Variants in CDKAL1 observed in about 807,000 individuals in gnomAD.
The protein encoded by CDKAL1 is threonylcarbamoyladenosine tRNA methylthiotransferase.
Under a neutral mutation model 68.2 loss-of-function variants are expected in CDKAL1, and 32 were observed. The ratio of observed to expected loss-of-function variants is 0.47; its 90% CI spans 0.35 to 0.63. The LOEUF is 0.63. Among genes scored for constraint, CDKAL1 ranks in the 30% least tolerant of loss-of-function variants. CDKAL1 has a pLI of 0.00. For synonymous variants in CDKAL1, 234 were observed against 244.3 expected (o/e 0.96, Z 0.39); for missense variants, 606 against 696.7 (o/e 0.87, Z 1.47).
intron 12 of CDKAL1, among the ~76,000 whole-genome samples, chr6:21,084,077 T>A (rs1011260323): frequency 6.6e-6 from 1 of 152,170 alleles, no homozygotes; most frequent in Admixed American, 6.5e-5. Flanking sequence ...AAGTATTGAA[T>A]AGGATTGTAG....
At chr6:20,610,710 T>C (rs2876574) in intron 4 of CDKAL1, among the ~76,000 whole-genome samples, 42,993 of 151,866 alleles carry the variant, frequency 0.28, 6,599 homozygotes, top group East Asian at 0.53. Flanking sequence ...ATTAATAAAA[T>C]ATAAAAGGCA....
chr6:20,550,860 CTTTTTTTTTTTTT>C (rs70990044), intron 4 of CDKAL1, among the ~76,000 whole-genome samples: 10 of 72,908 alleles, frequency 1.4e-4, no homozygotes, highest in Non-Finnish European at 9.4e-5. Context: ...GAGGTTGTGT[CTTTTTTTTTTTTT>C]TTTTTTTTTT....
At chr6:20,698,197 T>C (rs1047003879) in intron 5 of CDKAL1, among the ~76,000 whole-genome samples, 3 of 152,216 alleles carry the variant, frequency 2.0e-5, no homozygotes, top group Non-Finnish European at 4.4e-5. Flanking sequence ...TTTGGTTGAA[T>C]GAACATTCAA....
At chr6:20,750,077 C>G (rs1773849177) in intron 6 of CDKAL1, among the ~76,000 whole-genome samples, 1 of 151,998 alleles carries the variant, frequency 6.6e-6, no homozygotes. Context: ...CAGTTTCTTT[C>G]CCCTAATTAG....
At chr6:20,540,348 C>T (rs1763341903) in intron 2 of CDKAL1, among the ~76,000 whole-genome samples, 1 of 152,016 alleles carries the variant, frequency 6.6e-6, no homozygotes, top group African/African-American at 2.4e-5. Context: ...GCTGGGATTA[C>T]AAACATGAGC....
chr6:20,876,864 A>G (rs1760545813), intron 9 of CDKAL1, among the ~76,000 whole-genome samples: 1 of 152,234 alleles, frequency 6.6e-6, no homozygotes, highest in South Asian at 2.1e-4. Context: ...ACACGTACAC[A>G]CAGAGCTACC....
chr6:21,067,000 T>C (rs1771483961), intron 12 of CDKAL1, among the ~76,000 whole-genome samples: 1 of 152,244 alleles, frequency 6.6e-6, no homozygotes, highest in Admixed American at 6.5e-5. Flanking sequence ...CTGATCTGTT[T>C]TCTGTTCTCA....
chr6:20,785,462 C>T (rs1775631688), intron 8 of CDKAL1, among the ~76,000 whole-genome samples: 1 of 151,890 alleles, frequency 6.6e-6, no homozygotes, highest in African/African-American at 2.4e-5. Flanking sequence ...ACTTCAGGCA[C>T]ACGCCACCAC....
At chr6:21,050,317 C>G (rs547027269) in intron 11 of CDKAL1, among the ~76,000 whole-genome samples, 3 of 152,190 alleles carry the variant, frequency 2.0e-5, no homozygotes, top group African/African-American at 7.2e-5. Context: ...TGGCTGGCAA[C>G]GCCCTGCCTG....
At chr6:20,789,867 T>C (rs1415837887) in intron 8 of CDKAL1, among the ~76,000 whole-genome samples, 1 of 152,244 alleles carries the variant, frequency 6.6e-6, no homozygotes, top group African/African-American at 2.4e-5. Context: ...TTATATTTGT[T>C]ATCTTTAAGA....
chr6:20,651,518 C>A (rs1768770322), intron 5 of CDKAL1, among the ~76,000 whole-genome samples: 1 of 152,160 alleles, frequency 6.6e-6, no homozygotes, highest in African/African-American at 2.4e-5. Flanking sequence ...AGTTTGACTT[C>A]CTCTCTTTCT....
intron 15 of CDKAL1, among the ~76,000 whole-genome samples, chr6:21,217,272 T>C (rs1779371499): frequency 2.1e-5 from 3 of 143,944 alleles, no homozygotes; most frequent in Non-Finnish European, 3.0e-5. Context: ...TACTTTTTCA[T>C]TGATGTTTAG....
intron 4 of CDKAL1, among the ~76,000 whole-genome samples, chr6:20,588,668 A>G (rs1765473026): frequency 6.6e-6 from 1 of 152,142 alleles, no homozygotes; most frequent in South Asian, 2.1e-4. Flanking sequence ...CAGTCTTTCA[A>G]AAGTTAAGAG....
At chr6:20,691,985 T>G (rs913032940) in intron 5 of CDKAL1, among the ~76,000 whole-genome samples, 1 of 152,166 alleles carries the variant, frequency 6.6e-6, no homozygotes, top group African/African-American at 2.4e-5. Flanking sequence ...CACAAAAGTT[T>G]TTAATTTTTA....
intron 5 of CDKAL1, among the ~76,000 whole-genome samples, chr6:20,701,034 C>G (rs565576485): frequency 1.3e-5 from 2 of 151,622 alleles, no homozygotes; most frequent in African/African-American, 4.8e-5. Context: ...TTGTATTTTT[C>G]AAGGTCTTTG....
chr6:20,771,366 T>C (rs1774934853), intron 7 of CDKAL1, among the ~76,000 whole-genome samples: 1 of 152,150 alleles, frequency 6.6e-6, no homozygotes, highest in Admixed American at 6.5e-5. Flanking sequence ...CTCATTTAGA[T>C]GTATTTATGC....
intron 8 of CDKAL1, among the ~76,000 whole-genome samples, chr6:20,820,905 G>T (rs1470055042): frequency 6.6e-6 from 1 of 152,070 alleles, no homozygotes; most frequent in Admixed American, 6.6e-5. Flanking sequence ...ATAGTGAACA[G>T]TGTAATGAGG....
chr6:20,606,221 A>T (rs1471252721), intron 4 of CDKAL1, among the ~76,000 whole-genome samples: 2 of 152,230 alleles, frequency 1.3e-5, no homozygotes, highest in Non-Finnish European at 2.9e-5. Flanking sequence ...ATATATTTAT[A>T]TAACATTGAA....
intron 9 of CDKAL1, among the ~76,000 whole-genome samples, chr6:20,922,680 A>G (rs1426105790): frequency 6.6e-6 from 1 of 152,246 alleles, no homozygotes; most frequent in Non-Finnish European, 1.5e-5. Flanking sequence ...TCTTCAGTTT[A>G]TAAGATCTGA....
Sources: allele counts gnomAD v4.1 joint callset (sites outside exome capture counted in the v4.1 genomes callset), GRCh38; gene constraint gnomAD v4.1.1; transcripts MANE v1.5; gene names NCBI Gene and HGNC (gene_info 2026-07-23, HGNC 2026-07-21).